CYP19A1: variants seen among roughly 807,000 people sequenced by gnomAD.
CYP19A1 encodes the protein cytochrome P450 family 19 subfamily A member 1.
In CYP19A1, 32 loss-of-function variants were observed where a neutral mutation model predicts 44.4. That is an observed-to-expected ratio of 0.72 (90% CI 0.54 to 0.97). The LOEUF is 0.97. CYP19A1 is among the 50% of genes least tolerant of loss of function. The pLI is 0.00. For synonymous variants in CYP19A1, 212 were observed against 215.6 expected (o/e 0.98, Z 0.14); for missense variants, 598 against 637.8 (o/e 0.94, Z 0.67).
intron 1 of CYP19A1, among the ~76,000 whole-genome samples, chr15:51,256,663 AT>A (rs1202280084): frequency 3.9e-5 from 6 of 152,226 alleles, no homozygotes; most frequent in Non-Finnish European, 7.3e-5. Context: ...CTCACATTCT[AT>A]AACCGGGTAA....
chr15:51,243,063 G>A lies in CYP19A1; in HGVS notation c.-38-113C>T, dbSNP rs1025687111. On this transcript the variant is annotated intron_variant, in intron 1 of 9. Transcript: ENST00000396402. ...ACAGATTCACTTACTGTTTTATAAT[G>A]TGATCAGACATTTAGGCAAGACTAA... 6.8e-6 allele frequency: 5 copies of A among 738,734 alleles called. No homozygotes were observed. The East Asian group carries it at 7.4e-5, about 11-fold the overall frequency. 45.8% of individuals were successfully genotyped at this position (738,734 alleles called of 1,614,324 possible).
intron 2 of CYP19A1, among the ~76,000 whole-genome samples, chr15:51,239,960 G>A (rs1365792698): frequency 6.6e-6 from 1 of 152,148 alleles, no homozygotes; most frequent in Non-Finnish European, 1.5e-5. Context: ...TACGTCCTGG[G>A]GGAAGGGAGA....
chr15:51,225,033 A>G (rs572632844), intron 4 of CYP19A1, among the ~76,000 whole-genome samples: 3 of 152,194 alleles, frequency 2.0e-5, no homozygotes, highest in African/African-American at 4.8e-5. Context: ...CTGCCCCTCA[A>G]TGTGCTTTAG....
At position 51,242,835 on chromosome 15, in the gene CYP19A1, C is replaced by A; in HGVS notation, c.78G>T (p.Met26Ile). ...IVPEAMPAAT[M>I]PVLLLTGLFL... Reference sequence around the variant, plus strand: ...AAAGGCCAGTGAGGAGCAGGACTGGCATGGTGGCAGCAGGCATGGCTTCAG... The same window carrying A: ...AAAGGCCAGTGAGGAGCAGGACTGGAATGGTGGCAGCAGGCATGGCTTCAG... Residue 26 changes from methionine (M) to isoleucine (I), a missense_variant, in exon 2 of 10, where the codon ATG becomes ATT. Transcript: ENST00000396402. The A allele has an allele frequency of 6.3e-7, 1 of 1,592,996 alleles. No individual in the cohort carries two copies. The highest frequency in any genetic ancestry group is 8.6e-7 in the Non-Finnish European group (1 of 1,160,774).
chr15:51,305,601 C>T (rs2036200650), intron 1 of CYP19A1, among the ~76,000 whole-genome samples: 1 of 152,228 alleles, frequency 6.6e-6, no homozygotes. Context: ...CACTCTGTCG[C>T]CCAGGATGGA....
rs118035813 is a variant in CYP19A1, at chr15:51,249,671, C to G, written c.-38-6721G>C. Among the ~76,000 whole-genome samples, 192 of 152,268 alleles carry G rather than the reference C, an allele frequency of 1.3e-3. 2 individuals carry two copies. In the East Asian group the frequency reaches 0.035, roughly 28 times the overall value. On this transcript the variant is annotated intron_variant, in intron 1 of 9. Transcript: ENST00000396402. ...GACATCTTATGAGAATCACAGTTCT[C>G]TAGGAAGACATGTAGAGCTGCCCAT...
intron 1 of CYP19A1, among the ~76,000 whole-genome samples, chr15:51,258,513 G>A (rs564523770): frequency 5.9e-5 from 9 of 152,266 alleles, no homozygotes; most frequent in East Asian, 5.8e-4. Context: ...CCTCAGCCTC[G>A]TTCCAGCAGG....
rs181133955 is a variant in CYP19A1, at chr15:51,245,919, C to T, written c.-38-2969G>A. On this transcript the variant is annotated intron_variant, in intron 1 of 9. Coordinates refer to ENST00000396402, the MANE Select transcript of CYP19A1 (RefSeq NM_000103.4). ...TGGAATTGGGGCCTAGGTGGTCTGTCTCCAGAGCCCATGCTCTTTATCATG... is the reference window on the plus strand; with the variant it reads ...TGGAATTGGGGCCTAGGTGGTCTGTTTCCAGAGCCCATGCTCTTTATCATG... Among the ~76,000 whole-genome samples the T allele has an allele frequency of 3.6e-3, 556 of 152,360 alleles. 3 individuals are homozygous for T. Among genetic ancestry groups the T allele is most frequent in the African/African-American group, 0.013 (530 of 41,590 alleles).
chr15:51,210,381 A>C lies in CYP19A1; in HGVS notation c.*427T>G. 2 of 500,042 alleles carry C rather than the reference A, an allele frequency of 4.0e-6. No individual in the cohort carries two copies. The highest frequency in any genetic ancestry group is 4.6e-5 in the East Asian group (1 of 21,584). 31.0% of individuals were successfully genotyped at this position (500,042 alleles called of 1,614,324 possible). A position where few individuals can be genotyped will look rare whatever the true frequency, so the allele number is the denominator to read the frequency against. ...CACACTAGCAGGTGGGTTTGGCCCC[A>C]GGTACCCTGACATTGGCCTGGTCTT... On this transcript the variant is annotated 3_prime_UTR_variant, in exon 10 of 10. Transcript: ENST00000396402.
intron 2 of CYP19A1, among the ~76,000 whole-genome samples, chr15:51,240,104 G>A (rs2033663826): frequency 7.8e-6 from 1 of 127,902 alleles, no homozygotes; most frequent in Admixed American, 1.1e-4. Context: ...CCTTTCCTCA[G>A]GACTTTCATA....
chr15:51,280,606 G>A (rs2035486051), intron 1 of CYP19A1, among the ~76,000 whole-genome samples: 1 of 152,194 alleles, frequency 6.6e-6, no homozygotes, highest in Non-Finnish European at 1.5e-5. Context: ...CAGGCTCCAG[G>A]TTCTCATCTA....
chr15:51,282,058 A>C (rs1459879546), intron 1 of CYP19A1, among the ~76,000 whole-genome samples: 1 of 152,240 alleles, frequency 6.6e-6, no homozygotes, highest in Non-Finnish European at 1.5e-5. Flanking sequence ...TGAATTCTGA[A>C]AAATCCTTGT....
chr15:51,212,798 A>C (rs1230518228), intron 8 of CYP19A1, among the ~76,000 whole-genome samples: 4 of 152,214 alleles, frequency 2.6e-5, no homozygotes, highest in African/African-American at 7.2e-5. Flanking sequence ...TTTATAGAAA[A>C]GTCTGAATGT....
chr15:51,272,162 T>C (rs115798711), intron 1 of CYP19A1, among the ~76,000 whole-genome samples: 124 of 152,318 alleles, frequency 8.1e-4, no homozygotes, highest in African/African-American at 2.9e-3. Flanking sequence ...CCATCTTCGA[T>C]TTTTCCCTTC....
At chr15:51,231,717 A>G (rs954905606) in intron 3 of CYP19A1, among the ~76,000 whole-genome samples, 1 of 151,936 alleles carries the variant, frequency 6.6e-6, no homozygotes, top group Admixed American at 6.5e-5. Context: ...GTCGCTGGCA[A>G]TGCTACTGCA....
intron 1 of CYP19A1, among the ~76,000 whole-genome samples, chr15:51,317,834 A>G (rs1303970975): frequency 6.6e-6 from 1 of 152,238 alleles, no homozygotes; most frequent in East Asian, 1.9e-4. Flanking sequence ...AAGGTCACCC[A>G]GCCAGGGAGT....
At chr15:51,262,284 T>A (rs996164949) in intron 1 of CYP19A1, among the ~76,000 whole-genome samples, 2 of 152,208 alleles carry the variant, frequency 1.3e-5, no homozygotes, top group African/African-American at 4.8e-5. Context: ...TGGCTTGCTG[T>A]CAATAAATAT....
chr15:51,324,714 G>A (rs926930938), intron 1 of CYP19A1, among the ~76,000 whole-genome samples: 20 of 152,196 alleles, frequency 1.3e-4, no homozygotes, highest in African/African-American at 3.9e-4. Flanking sequence ...TTGAGAAAAA[G>A]CAATGGAAGA....
At chr15:51,264,223 G>C (rs1337796724) in intron 1 of CYP19A1, among the ~76,000 whole-genome samples, 1 of 152,160 alleles carries the variant, frequency 6.6e-6, no homozygotes, top group Non-Finnish European at 1.5e-5. Flanking sequence ...CACAGTTTCT[G>C]ATGATGACAG....
Sources: gnomAD v4.1 joint callset for allele counts (sites outside exome capture counted in the v4.1 genomes callset) on GRCh38, gnomAD v4.1.1 for gene constraint, MANE v1.5 for transcripts, NCBI Gene and HGNC (gene_info 2026-07-23, HGNC 2026-07-21) for gene names.